PALM2AKAP2: variants seen among roughly 807,000 people sequenced by gnomAD.
PALM2AKAP2 encodes the protein PALM2-AKAP2 fusion protein.
PALM2AKAP2 carries 37 observed loss-of-function variants against 71.5 expected under a neutral mutation model. The ratio of observed to expected loss-of-function variants is 0.52; its 90% CI spans 0.40 to 0.68. The LOEUF (loss-of-function observed/expected upper bound fraction) is 0.68. Among genes scored for constraint, PALM2AKAP2 ranks in the 30% least tolerant of loss-of-function variants. PALM2AKAP2 has a pLI of 0.00. For missense variants in PALM2AKAP2, 1,224 were observed against 1,191.8 expected (o/e 1.03, Z -0.40); for synonymous variants, 468 against 478.8 (o/e 0.98, Z 0.29).
At chr9:109,979,460 C>T (rs1832230553) in intron 6 of PALM2AKAP2, among the ~76,000 whole-genome samples, 2 of 152,194 alleles carry the variant, frequency 1.3e-5, no homozygotes, top group Admixed American at 1.3e-4. Flanking sequence ...CTGGGAATGT[C>T]AGTAGCCCCT....
chr9:109,650,130 C>T (rs1217053193), intron 1 of PALM2AKAP2, among the ~76,000 whole-genome samples: 2 of 152,120 alleles, frequency 1.3e-5, no homozygotes, highest in African/African-American at 2.4e-5. Context: ...GTAGTGCCAT[C>T]GGTGTCACTT....
intron 3 of PALM2AKAP2, among the ~76,000 whole-genome samples, chr9:109,890,111 A>G (rs1206671673): frequency 6.6e-6 from 1 of 152,230 alleles, no homozygotes; most frequent in African/African-American, 2.4e-5. Flanking sequence ...GAAAACAGCA[A>G]GCTTCCTGTT....
intron 6 of PALM2AKAP2, among the ~76,000 whole-genome samples, chr9:109,986,247 G>A (rs76750318): frequency 0.12 from 19,005 of 152,122 alleles, 1,514 homozygotes; most frequent in East Asian, 0.25. Flanking sequence ...TGTAATTAAT[G>A]TGTTTTTCTG....
intron 1 of PALM2AKAP2, among the ~76,000 whole-genome samples, chr9:109,836,920 G>A (rs1828496820): frequency 6.6e-6 from 1 of 152,358 alleles, no homozygotes; most frequent in South Asian, 2.1e-4. Context: ...ACCTGAAAGT[G>A]ACGGGGAGAA....
chr9:109,710,004 T>C (rs771027057), intron 1 of PALM2AKAP2, among the ~76,000 whole-genome samples: 3 of 152,066 alleles, frequency 2.0e-5, no homozygotes, highest in Non-Finnish European at 4.4e-5. Context: ...GGTGTCCTTA[T>C]AAGAAGAAAA....
chr9:109,681,099 C>A (rs773383421), intron 1 of PALM2AKAP2, among the ~76,000 whole-genome samples: 14 of 152,154 alleles, frequency 9.2e-5, no homozygotes, highest in Non-Finnish European at 1.9e-4. Flanking sequence ...ATTAGCACAG[C>A]TTTTTACATA....
chr9:110,127,340 G>A (rs797014578), intron 1 of PALM2AKAP2, among the ~76,000 whole-genome samples: 5 of 152,294 alleles, frequency 3.3e-5, no homozygotes, highest in African/African-American at 1.2e-4. Context: ...TTTGCCCCAG[G>A]AGTGCTTGAG....
At chr9:110,119,990 G>A (rs909898659) in intron 1 of PALM2AKAP2, among the ~76,000 whole-genome samples, 10 of 152,114 alleles carry the variant, frequency 6.6e-5, no homozygotes, top group African/African-American at 1.9e-4. Context: ...CAGGTCTGTC[G>A]GATGCCAAAG....
At chr9:110,079,491 A>G (rs1179582893) in intron 1 of PALM2AKAP2, among the ~76,000 whole-genome samples, 2 of 152,026 alleles carry the variant, frequency 1.3e-5, no homozygotes, top group African/African-American at 4.8e-5. Context: ...GTGAGACTCC[A>G]TCTCCAAAAA....
chr9:110,121,500 C>T (rs1386775706), intron 1 of PALM2AKAP2, among the ~76,000 whole-genome samples: 4 of 152,176 alleles, frequency 2.6e-5, no homozygotes, highest in Non-Finnish European at 5.9e-5. Context: ...GGAGGGGAAC[C>T]TTCCTAGTGC....
chr9:110,127,628 T>G (rs1835640012), intron 1 of PALM2AKAP2: 3 of 152,244 alleles, frequency 2.0e-5, no homozygotes. Flanking sequence ...CAGACTTTCC[T>G]GCTGTCAGTG....
At chr9:109,966,232 G>A (rs929389757) in intron 6 of PALM2AKAP2, among the ~76,000 whole-genome samples, 2 of 152,150 alleles carry the variant, frequency 1.3e-5, no homozygotes, top group Admixed American at 6.5e-5. Context: ...AGAGGTTCAA[G>A]GCAGCCAGGG....
intron 1 of PALM2AKAP2, among the ~76,000 whole-genome samples, chr9:110,050,570 G>T (rs1833690373): frequency 6.6e-6 from 1 of 152,048 alleles, no homozygotes; most frequent in Non-Finnish European, 1.5e-5. Context: ...TCCGCTGCCG[G>T]TTGTCTCCTC....
intron 1 of PALM2AKAP2, among the ~76,000 whole-genome samples, chr9:109,734,832 G>A (rs1017587536): frequency 6.6e-6 from 1 of 152,054 alleles, no homozygotes; most frequent in African/African-American, 2.4e-5. Context: ...TGCAGCACAC[G>A]GAAAGAGGGT....
rs149229347 is a variant in PALM2AKAP2 at position 109,689,359 on chromosome 9, C to T, written c.5+48493C>T. ...ATGGGATTACAGGCGCCCACCATGC[C>T]CAGCTAATTTTTGTATTTCTGGTAG... On this transcript the variant is annotated intron_variant, in intron 1 of 6. Coordinates refer to the PALM2AKAP2 transcript ENST00000374531. Among the ~76,000 whole-genome samples the T allele has an allele frequency of 1.2e-3, 179 of 152,058 alleles. 1 individual carries two copies. Among genetic ancestry groups the T allele is most frequent in the African/African-American group, 4.0e-3 (168 of 41,490 alleles).
At chr9:109,884,500 A>G (rs369706726) in intron 3 of PALM2AKAP2, among the ~76,000 whole-genome samples, 1 of 152,164 alleles carries the variant, frequency 6.6e-6, no homozygotes, top group East Asian at 1.9e-4. Flanking sequence ...AACTAAAACA[A>G]TGCAAGAATG....
intron 3 of PALM2AKAP2, among the ~76,000 whole-genome samples, chr9:109,881,320 T>C (rs1829844142): frequency 6.6e-6 from 1 of 152,222 alleles, no homozygotes. Context: ...AGCTTGCCCC[T>C]TCACTAGGTG....
chr9:109,899,382 C>A (rs192964773), intron 3 of PALM2AKAP2, among the ~76,000 whole-genome samples: 8 of 151,984 alleles, frequency 5.3e-5, no homozygotes, highest in Non-Finnish European at 1.2e-4. Flanking sequence ...TTTTTCTTTC[C>A]CACTTCCATG....
chr9:109,767,591 C>T (rs577078919), intron 1 of PALM2AKAP2, among the ~76,000 whole-genome samples: 12 of 152,194 alleles, frequency 7.9e-5, no homozygotes, highest in Admixed American at 3.3e-4. Flanking sequence ...CTCCCAAGGC[C>T]GAGATCTGGT....
Sources: gnomAD v4.1 joint callset for allele counts (sites outside exome capture counted in the v4.1 genomes callset) on GRCh38, gnomAD v4.1.1 for gene constraint, MANE v1.5 for transcripts, NCBI Gene and HGNC (gene_info 2026-07-23, HGNC 2026-07-21) for gene names.